Variants in INTS15 observed in about 807,000 individuals in gnomAD.
The protein encoded by INTS15 is uncharacterized protein C7orf26.
At chr7:6,596,504 G>A in the INTS15 span, among the ~76,000 whole-genome samples, 1 of 144,886 alleles carries the variant, frequency 6.9e-6, no homozygotes, top group South Asian at 2.2e-4. Context: ...TCAGCCTCCC[G>A]AGTAGCTGGG....
chr7:6,596,138 G>A, the INTS15 span, among the ~76,000 whole-genome samples: 10 of 150,956 alleles, frequency 6.6e-5, no homozygotes, highest in East Asian at 1.9e-3. Flanking sequence ...TGCAACCTCC[G>A]CCACCTGGGT....
At chr7:6,605,801 C>T in the INTS15 span, among the ~76,000 whole-genome samples, 2 of 152,200 alleles carry the variant, frequency 1.3e-5, no homozygotes, top group Non-Finnish European at 2.9e-5. Context: ...CGGGTTCAAG[C>T]GATTCTCCTG....
At chr7:6,594,198 A>G in the INTS15 span, among the ~76,000 whole-genome samples, 5,113 of 145,870 alleles carry the variant, frequency 0.035, 105 homozygotes, top group Middle Eastern at 0.066. Flanking sequence ...AGTAGAGACG[A>G]GTTTCACCAT....
the INTS15 span, chr7:6,602,134 A>G: frequency 1.2e-6 from 2 of 1,613,050 alleles, no homozygotes; most frequent in Non-Finnish European, 1.7e-6. Context: ...AGGCTGCCCC[A>G]TAATAAGTAA....
chr7:6,598,512 G>T, the INTS15 span, among the ~76,000 whole-genome samples: 2 of 146,894 alleles, frequency 1.4e-5, no homozygotes, highest in Non-Finnish European at 3.0e-5. Context: ...GCTGCTCCCC[G>T]CTGTAGCCAT....
At chr7:6,590,806 TC>T in the INTS15 span, among the ~76,000 whole-genome samples, 1 of 151,946 alleles carries the variant, frequency 6.6e-6, no homozygotes, top group Non-Finnish European at 1.5e-5. Context: ...TGTATGGCTT[TC>T]TTCTTACATC....
the INTS15 span, among the ~76,000 whole-genome samples, chr7:6,601,679 C>G: frequency 7.2e-6 from 1 of 139,798 alleles, no homozygotes; most frequent in South Asian, 2.3e-4. Context: ...TTTTTCGAGA[C>G]AGGGTCTCAC....
chr7:6,603,222 C>G, the INTS15 span, among the ~76,000 whole-genome samples: 1 of 151,722 alleles, frequency 6.6e-6, no homozygotes, highest in African/African-American at 2.4e-5. Context: ...TGCACTCCAG[C>G]TTGGGCAACA....
chr7:6,590,277 C>G, the INTS15 span: 1 of 1,525,934 alleles, frequency 6.6e-7, no homozygotes. Flanking sequence ...GCCGCGGCGG[C>G]CGCACCATGA....
At chr7:6,602,647 T>C in the INTS15 span, 3 of 470,762 alleles carry the variant, frequency 6.4e-6, no homozygotes, top group Non-Finnish European at 1.3e-5. Flanking sequence ...GGGGTGATAC[T>C]GTTCCCTGAC....
At chr7:6,594,438 A>G in the INTS15 span, 1 of 1,613,962 alleles carries the variant, frequency 6.2e-7, no homozygotes, top group East Asian at 2.2e-5. Flanking sequence ...TTTCCAGCGG[A>G]CGCCCGTGGT....
At chr7:6,601,330 T>G in the INTS15 span, among the ~76,000 whole-genome samples, 1 of 150,912 alleles carries the variant, frequency 6.6e-6, no homozygotes, top group South Asian at 2.1e-4. Flanking sequence ...GAGTCTCGCT[T>G]CTTTGCCCAG....
the INTS15 span, among the ~76,000 whole-genome samples, chr7:6,590,823 CT>C: frequency 6.0e-5 from 9 of 148,840 alleles, no homozygotes; most frequent in South Asian, 2.1e-4. Flanking sequence ...ACATCTTTTT[CT>C]TTTTTTTTTC....
chr7:6,597,099 T>C, the INTS15 span, among the ~76,000 whole-genome samples: 1 of 152,176 alleles, frequency 6.6e-6, no homozygotes. Context: ...TTTCATACTC[T>C]TCTTTTCCTA....
chr7:6,598,733 C>CG, the INTS15 span, among the ~76,000 whole-genome samples: 2 of 50,884 alleles, frequency 3.9e-5, no homozygotes, highest in Admixed American at 4.4e-4. Context: ...GGGCTGTATG[C>CG]TTTGTGTGTG....
At chr7:6,594,930 G>A in the INTS15 span, among the ~76,000 whole-genome samples, 3 of 152,098 alleles carry the variant, frequency 2.0e-5, no homozygotes, top group African/African-American at 7.2e-5. Context: ...GTTTTAATGT[G>A]TTGGCCAGGC....
the INTS15 span, among the ~76,000 whole-genome samples, chr7:6,603,922 A>G: frequency 1.3e-5 from 2 of 152,056 alleles, no homozygotes; most frequent in Non-Finnish European, 2.9e-5. Context: ...GGATTGTTTG[A>G]GCCCAGGAGT....
the INTS15 span, chr7:6,607,986 C>A: frequency 6.2e-7 from 1 of 1,600,284 alleles, no homozygotes; most frequent in Non-Finnish European, 8.5e-7. The surrounding 1 kb of genome is among the most constrained non-coding windows in gnomAD (Gnocchi z 6.0). Context: ...ATCTCGGGTC[C>A]CGTGCAGCAG....
the INTS15 span, among the ~76,000 whole-genome samples, chr7:6,601,280 G>T: frequency 6.6e-6 from 1 of 151,402 alleles, no homozygotes; most frequent in African/African-American, 2.4e-5. Flanking sequence ...TTTTATTGAG[G>T]CATAATTTAT....
Sources: gnomAD v4.1 joint callset for allele counts (sites outside exome capture counted in the v4.1 genomes callset) on GRCh38, gnomAD v4.1.1 for gene constraint, Gnocchi (gnomAD v3.1) non-coding constraint, MANE v1.5 for transcripts, NCBI Gene and HGNC (gene_info 2026-07-23, HGNC 2026-07-21) for gene names.